The following GLB1L2 variants were observed in gnomAD, a reference collection of about 807,000 sequenced individuals.
GLB1L2 encodes the protein beta-galactosidase-1-like protein 2.
In GLB1L2, 68 loss-of-function variants were observed where a neutral mutation model predicts 84.1. The ratio of observed to expected loss-of-function variants is 0.81; its 90% CI spans 0.67 to 0.99. The LOEUF (loss-of-function observed/expected upper bound fraction) is 0.99. Among genes scored for constraint, GLB1L2 ranks in the 50% least tolerant of loss-of-function variants. The probability of loss-of-function intolerance (pLI) is 0.00; values close to 1 mark genes in which losing one functional copy is unlikely to be tolerated. For synonymous variants in GLB1L2, 290 were observed against 318.0 expected, an observed-to-expected ratio of 0.91 and a Z score of 0.94; for missense variants, 762 against 805.6, an observed-to-expected ratio of 0.95 and a Z score of 0.66.
Position 134,376,256 on chromosome 11 carries a change from G to A in GLB1L2, c.*1198G>A, listed in dbSNP as rs1944022313. The stretch of plus-strand genomic sequence containing the variant: ...AAGTCCGCATTTGAGCCTTGTTCTG[G>A]GGCCCAGCCCAACACCTGGCTTGGG... On this transcript the variant is annotated 3_prime_UTR_variant, in exon 19 of 19. Coordinates refer to ENST00000535456, the MANE Select transcript of GLB1L2 (RefSeq NM_001370461.1). 6.6e-6 allele frequency: 1 copy of A among 151,828 alleles called. No individual in the cohort carries two copies. Among genetic ancestry groups the A allele is most frequent in the Non-Finnish European group, 1.5e-5 (1 of 68,206 alleles). The allele number at this position is 151,828 out of a possible 1,614,324, so 9.4% of individuals were successfully genotyped here.
intron 2 of GLB1L2, among the ~76,000 whole-genome samples, chr11:134,344,047 ACCG>A (rs1565434497): frequency 6.6e-6 from 1 of 152,168 alleles, no homozygotes; most frequent in African/African-American, 2.4e-5. Context: ...TAGGATGATC[ACCG>A]AGCTTTCCCC....
intron 5 of GLB1L2, among the ~76,000 whole-genome samples, chr11:134,352,416 T>C (rs1266673706): frequency 3.3e-5 from 5 of 152,084 alleles, no homozygotes; most frequent in Non-Finnish European, 5.9e-5. Context: ...TTTTTCTTTA[T>C]TGTTTTTCTA....
rs1300054187 is a variant in GLB1L2, at chr11:134,364,772, C to G, written c.804+374C>G. 7 of 192,386 alleles carry G rather than the reference C, an allele frequency of 3.6e-5. No homozygotes were observed. The South Asian group carries it at 1.0e-3, about 28-fold the overall frequency. The allele number at this position is 192,386 out of a possible 1,614,324, so 11.9% of individuals were successfully genotyped here. ...CATCCGACCTTAACCTGTGAGGCCC[C>G]TGCAATCCTAGAAAGATTATTGTCA... On this transcript the variant is annotated intron_variant, in intron 8 of 18. Coordinates refer to ENST00000535456, the MANE Select transcript of GLB1L2 (RefSeq NM_001370461.1).
intron 14 of GLB1L2, 26 bp downstream of exon 14, chr11:134,371,518 A>T: frequency 7.2e-7 from 1 of 1,390,282 alleles, no homozygotes; most frequent in Non-Finnish European, 1.0e-6. Context: ...GAGCTGGGTG[A>T]TGGCTAGCCC....
In GLB1L2 at chr11:134,334,180, T is replaced by C. The variant is rs540007430; in HGVS notation, c.86+2033T>C. Among the ~76,000 whole-genome samples the C allele has an allele frequency of 1.2e-3, 179 of 152,270 alleles. No individual in the cohort carries two copies. Among genetic ancestry groups the C allele is most frequent in the African/African-American group, 4.0e-3 (167 of 41,556 alleles). The stretch of plus-strand genomic sequence containing the variant: ...CTCTCCCAGCTGTTACTGGGCAGTG[T>C]TGAGGTGGCCAGTGGAATATAGGTC... On this transcript the variant is annotated intron_variant, in intron 1 of 18. Transcript: ENST00000535456. This position sits in a 1 kb window ranked among gnomAD's most constrained non-coding sequence, Gnocchi z 4.1.
intron 5 of GLB1L2, among the ~76,000 whole-genome samples, chr11:134,353,591 C>T (rs902788052): frequency 4.2e-5 from 6 of 143,502 alleles, no homozygotes; most frequent in African/African-American, 1.5e-4. Context: ...TATTTGGTTA[C>T]TAATTTTCTG....
chr11:134,375,366 A>C lies in GLB1L2; in HGVS notation c.*308A>C. 3.0e-6 allele frequency: 1 copy of C among 330,188 alleles called. No homozygotes were observed. Among genetic ancestry groups the C allele is most frequent in the Non-Finnish European group, 5.5e-6 (1 of 181,854 alleles). The allele number at this position is 330,188 out of a possible 1,614,324, so 20.5% of individuals were successfully genotyped here. A position where few individuals can be genotyped will look rare whatever the true frequency, so the allele number is the denominator to read the frequency against. ...TCGCCCAGCCTTTGGCCCTCAGAAA[A>C]AGTGCTGAAACGTGCCCTTGCACTG... On this transcript the variant is annotated 3_prime_UTR_variant, in exon 19 of 19. Coordinates refer to ENST00000535456, the MANE Select transcript of GLB1L2 (RefSeq NM_001370461.1).
chr11:134,371,310 C>T (rs1943949170), intron 13 of GLB1L2, 111 bp from the exon 14 acceptor site: 2 of 1,207,390 alleles, frequency 1.7e-6, no homozygotes, highest in African/African-American at 1.5e-5. Flanking sequence ...GCTCTGCCCA[C>T]TGGCCCCTCG....
rs762779739 is a variant in GLB1L2, at chr11:134,356,287, TC to T, written c.559-13del. The T allele has an allele frequency of 6.2e-7, 1 of 1,610,460 alleles. No individual in the cohort carries two copies. Among genetic ancestry groups the T allele is most frequent in the Admixed American group, 1.7e-5 (1 of 59,962 alleles). On this transcript the variant is annotated splice_polypyrimidine_tract_variant and intron_variant, in intron 5 of 18. Coordinates refer to ENST00000535456, the MANE Select transcript of GLB1L2 (RefSeq NM_001370461.1). The stretch of plus-strand genomic sequence containing the variant: ...TGCACACTCAGCTCCTGGTTTTCTG[TC>T]TTTTCTCCGCAGTACAAGCGTGGGG...
Position 134,374,236 on chromosome 11 carries a change from GAC to G in GLB1L2, c.1690_1691del (p.Thr564LeufsTer49). On this transcript the variant is annotated frameshift_variant, in exon 17 of 19. Coordinates refer to ENST00000535456, the MANE Select transcript of GLB1L2 (RefSeq NM_001370461.1). LOFTEE classifies it high-confidence loss of function. ...CTTGTCCATCAGCTCCACCCCTTGT[GAC>G]ACCTTTCTGAAGCTGGAGGTTGGTA... is the stretch of plus-strand genomic sequence containing the variant. ...GSLSISSTPC[D>X]TFLKLEGWEK... 1.2e-6 allele frequency: 2 copies of G among 1,612,258 alleles called. No individual in the cohort carries two copies. The highest frequency in any genetic ancestry group is 1.7e-6 in the Non-Finnish European group (2 of 1,178,292).
chr11:134,352,644 GTCT>G (rs199631925), intron 5 of GLB1L2, among the ~76,000 whole-genome samples: 53 of 147,584 alleles, frequency 3.6e-4, no homozygotes, highest in African/African-American at 9.3e-4. Context: ...TTCTCAATAT[GTCT>G]TCTTTTTTTT....
At chr11:134,373,063 C>T (rs748465184) in intron 15 of GLB1L2, among the ~76,000 whole-genome samples, 11 of 152,212 alleles carry the variant, frequency 7.2e-5, no homozygotes, top group Non-Finnish European at 1.2e-4. Flanking sequence ...TTGAGAAATG[C>T]GCGTGCCCAC....
chr11:134,332,115 G>T lies in GLB1L2; in HGVS notation c.54G>T (p.Leu18=). 6.3e-7 allele frequency: 1 copy of T among 1,589,646 alleles called. No individual in the cohort carries two copies. Among genetic ancestry groups the T allele is most frequent in the Non-Finnish European group, 8.5e-7 (1 of 1,169,854 alleles). The change falls in exon 1 of 19, where the codon CTG becomes CTT. Residue 18 remains leucine (L), a synonymous_variant. Transcript: ENST00000535456. ...CGGCCCGCACGCTGGGACTCCTGCT[G>T]CTGGTCGTCTTGGGCTTCCTGGTGC... ...RRPARTLGLL[L]LVVLGFLVLR...
rs2136288431 is a variant in GLB1L2 at position 134,370,310 on chromosome 11, C to G, written c.1126C>G (p.Pro376Ala). 6.2e-7 allele frequency: 1 copy of G among 1,613,920 alleles called. No homozygotes were observed. Among genetic ancestry groups the G allele is most frequent in the Admixed American group, 1.7e-5 (1 of 60,014 alleles). ...TGTTGCAGGCATCCCTCTCCCTCCC[C>G]CACCTGACCTTCTTCCCAAGATGCC... is the stretch of plus-strand genomic sequence containing the variant. Reference protein sequence around the residue: ...GSISGIPLPPPPDLLPKMPYE... With the variant: ...GSISGIPLPPAPDLLPKMPYE... Residue 376 changes from proline to alanine, a missense_variant, in exon 12 of 19, where the codon CCA becomes GCA. Physicochemically the swap from Pro to Ala is conservative, Grantham distance 27. This residue lies in a region of GLB1L2 where 603 missense variants were observed against 611.7 expected (regional missense o/e 0.99). Transcript: ENST00000535456. The surrounding 1 kb of genome is among the most constrained non-coding windows in gnomAD (Gnocchi z 4.7).
chr11:134,332,007 C>A lies in GLB1L2; in HGVS notation c.-55C>A. On this transcript the variant is annotated 5_prime_UTR_variant, in exon 1 of 19. Transcript: ENST00000535456. ...CCCCCCGCGGCGAGGCTCCCGCGCG[C>A]GGCTGAGTGCGGACTGGAGTGGGAA... The A allele has an allele frequency of 7.9e-7, 1 of 1,273,218 alleles. No individual in the cohort carries two copies. The highest frequency in any genetic ancestry group is 1.1e-6 in the Non-Finnish European group (1 of 927,488). 78.9% of individuals were successfully genotyped at this position (1,273,218 alleles called of 1,614,324 possible).
chr11:134,348,943 T>C (rs1591614777), intron 5 of GLB1L2, among the ~76,000 whole-genome samples: 1 of 152,336 alleles, frequency 6.6e-6, no homozygotes, highest in East Asian at 1.9e-4. Flanking sequence ...AAGGACTCTA[T>C]GCTCATAACT....
intron 13 of GLB1L2, 66 bp from the exon 14 acceptor site, chr11:134,371,355 C>T (rs1943949681): frequency 1.6e-6 from 2 of 1,213,460 alleles, no homozygotes; most frequent in Non-Finnish European, 2.5e-6. Flanking sequence ...CCTTCTTGGC[C>T]TGGAGGAGGT....
intron 7 of GLB1L2, chr11:134,361,167 A>G (rs2119298): frequency 0.36 from 54,088 of 151,758 alleles, 11,404 homozygotes; most frequent in Admixed American, 0.47. Flanking sequence ...AAAACAAAAA[A>G]CAAAAAACAT....
chr11:134,344,265 T>C, intron 2 of GLB1L2, 122 bp from the exon 3 acceptor site: 1 of 1,270,708 alleles, frequency 7.9e-7, no homozygotes. Flanking sequence ...GTTCCAGTCC[T>C]AAAATCATGA....
Sources: allele counts gnomAD v4.1 joint callset (sites outside exome capture counted in the v4.1 genomes callset), GRCh38; gene constraint gnomAD v4.1.1; regional missense constraint gnomAD v4.1.1; non-coding constraint Gnocchi (gnomAD v3.1); transcripts MANE v1.5; gene names NCBI Gene and HGNC (gene_info 2026-07-23, HGNC 2026-07-21).